PLPPR1: variants seen among roughly 807,000 people sequenced by gnomAD.
PLPPR1 encodes the protein phospholipid phosphatase-related protein type 1.
A neutral mutation model predicts 33.1 loss-of-function variants in PLPPR1; 10 were observed. That is an observed-to-expected ratio of 0.30 (90% CI 0.19 to 0.51). The LOEUF is 0.51. Ranked by LOEUF, PLPPR1 falls within the 20% of genes least tolerant of loss-of-function variation. The pLI is 0.97. For missense variants in PLPPR1, 304 were observed against 408.1 expected (o/e 0.74, Z 2.20); for synonymous variants, 151 against 151.0 (o/e 1.00, Z 0.00).
At chr9:101,305,516 G>A (rs1588119793) in intron 4 of PLPPR1, among the ~76,000 whole-genome samples, 1 of 152,132 alleles carries the variant, frequency 6.6e-6, no homozygotes, top group African/African-American at 2.4e-5. Flanking sequence ...CAAGGTCTCA[G>A]ACTTTCCGGG....
intron 2 of PLPPR1, among the ~76,000 whole-genome samples, chr9:101,251,740 T>C (rs1016746890): frequency 2.6e-5 from 4 of 152,066 alleles, no homozygotes; most frequent in African/African-American, 9.7e-5. Context: ...TGGTTGGAAA[T>C]GACAGAAATG....
intron 1 of PLPPR1, among the ~76,000 whole-genome samples, chr9:101,171,308 C>A (rs1825938402): frequency 6.6e-6 from 1 of 152,120 alleles, no homozygotes; most frequent in African/African-American, 2.4e-5. Flanking sequence ...CTGAGGAAAC[C>A]TGGAATTACC....
chr9:101,146,769 C>G (rs1414142597), intron 1 of PLPPR1, among the ~76,000 whole-genome samples: 1 of 152,208 alleles, frequency 6.6e-6, no homozygotes, highest in Non-Finnish European at 1.5e-5. Flanking sequence ...CACAGGCCAT[C>G]ATCCTAGGGT....
intron 6 of PLPPR1, among the ~76,000 whole-genome samples, chr9:101,315,072 A>G (rs1368276263): frequency 6.6e-6 from 1 of 151,326 alleles, no homozygotes; most frequent in Non-Finnish European, 1.5e-5. Context: ...TGGGATATCC[A>G]TCACCTCAAA....
At chr9:101,200,434 T>C (rs1052478082) in intron 2 of PLPPR1, among the ~76,000 whole-genome samples, 5 of 151,928 alleles carry the variant, frequency 3.3e-5, no homozygotes, top group Admixed American at 3.3e-4. Context: ...AAGTTCACTT[T>C]ATGGGAAACC....
chr9:101,134,996 T>C (rs1831361798), intron 1 of PLPPR1, among the ~76,000 whole-genome samples: 2 of 152,114 alleles, frequency 1.3e-5, no homozygotes, highest in South Asian at 4.1e-4. Flanking sequence ...ATGAGGTGAT[T>C]GAGGCATGAA....
intron 4 of PLPPR1, among the ~76,000 whole-genome samples, chr9:101,295,059 G>C (rs961821990): frequency 1.3e-5 from 2 of 151,880 alleles, no homozygotes; most frequent in South Asian, 2.1e-4. Flanking sequence ...ACCCCATTGT[G>C]TCAGCCCAAA....
In PLPPR1 at chr9:101,254,876, G is replaced by A. The variant is rs116182300; in HGVS notation, c.64-15004G>A. The stretch of plus-strand genomic sequence containing the variant: ...CTTATGTCTTTCCTTGCACAAACCT[G>A]TGGGATGTATACCAACGAGTGTGAC... On this transcript the variant is annotated intron_variant, in intron 2 of 7. Transcript: ENST00000374874. 6.4e-3 allele frequency among the ~76,000 whole-genome samples: 979 copies of A among 152,134 alleles called. 9 individuals carry two copies. The highest frequency in any genetic ancestry group is 0.022 in the African/African-American group (928 of 41,502).
At chr9:101,230,553 T>C (rs1422770668) in intron 2 of PLPPR1, among the ~76,000 whole-genome samples, 1 of 152,228 alleles carries the variant, frequency 6.6e-6, no homozygotes, top group South Asian at 2.1e-4. Context: ...CTGTTCCTTC[T>C]GTGTGGAAAA....
At chr9:101,295,374 G>T (rs553647794) in intron 4 of PLPPR1, among the ~76,000 whole-genome samples, 1 of 151,676 alleles carries the variant, frequency 6.6e-6, no homozygotes, top group Non-Finnish European at 1.5e-5. Context: ...TGGCCATACT[G>T]CCCAAGGTAA....
At chr9:101,180,116 A>G (rs1433437985) in intron 1 of PLPPR1, among the ~76,000 whole-genome samples, 1 of 26,872 alleles carries the variant, frequency 3.7e-5, no homozygotes, top group African/African-American at 1.5e-4. Context: ...ATATATATAT[A>G]TATATATATA....
At chr9:101,129,983 AT>A in intron 1 of PLPPR1, among the ~76,000 whole-genome samples, 1 of 152,188 alleles carries the variant, frequency 6.6e-6, no homozygotes, top group Non-Finnish European at 1.5e-5. Context: ...AAACTAATGT[AT>A]TTTGACAGCA....
At chr9:101,061,478 A>G (rs1241532112) in intron 1 of PLPPR1, among the ~76,000 whole-genome samples, 2 of 152,024 alleles carry the variant, frequency 1.3e-5, no homozygotes, top group Non-Finnish European at 2.9e-5. Flanking sequence ...CAGCTCAGTC[A>G]GACATCTTTA....
At chr9:101,203,891 G>A (rs977317210) in intron 2 of PLPPR1, among the ~76,000 whole-genome samples, 1 of 151,952 alleles carries the variant, frequency 6.6e-6, no homozygotes, top group Non-Finnish European at 1.5e-5. Flanking sequence ...AAATGAGAAT[G>A]TGTTTTCCAT....
intron 1 of PLPPR1, among the ~76,000 whole-genome samples, chr9:101,063,351 A>G (rs538952457): frequency 3.3e-5 from 5 of 152,186 alleles, no homozygotes. Flanking sequence ...CAGATCCTTT[A>G]TGTGTCAATC....
chr9:101,054,129 A>C, intron 1 of PLPPR1, among the ~76,000 whole-genome samples: 1 of 152,140 alleles, frequency 6.6e-6, no homozygotes, highest in Non-Finnish European at 1.5e-5. Flanking sequence ...GGTTGCAGTG[A>C]GCTGAGATAG....
rs549386851 is a variant in PLPPR1 at position 101,275,861 on chromosome 9, C to T, written c.252+5793C>T. Among the ~76,000 whole-genome samples, 5 of 152,184 alleles carry T rather than the reference C, an allele frequency of 3.3e-5. No individual in the cohort carries two copies. In the East Asian group the frequency reaches 9.7e-4, roughly 29 times the overall value. The stretch of plus-strand genomic sequence containing the variant: ...CTCACATTTTGTATGCAAGTGTGCG[C>T]GCATGCATTACAAGACTCATCTAGA... On this transcript the variant is annotated intron_variant, in intron 3 of 7. Transcript: ENST00000374874.
At chr9:101,082,502 T>C (rs896823378) in intron 1 of PLPPR1, among the ~76,000 whole-genome samples, 1 of 152,122 alleles carries the variant, frequency 6.6e-6, no homozygotes, top group African/African-American at 2.4e-5. Flanking sequence ...TTATTGCATA[T>C]GGTGAATCCA....
chr9:101,042,513 G>A (rs1388417332), intron 1 of PLPPR1, among the ~76,000 whole-genome samples: 2 of 152,046 alleles, frequency 1.3e-5, no homozygotes, highest in East Asian at 3.9e-4. Context: ...TGCCACATTG[G>A]ACACCATCCT....
Sources: allele counts gnomAD v4.1 joint callset (sites outside exome capture counted in the v4.1 genomes callset), GRCh38; gene constraint gnomAD v4.1.1; transcripts MANE v1.5; gene names NCBI Gene and HGNC (gene_info 2026-07-23, HGNC 2026-07-21).